The following PHF20 variants were observed in gnomAD, a reference collection of about 807,000 sequenced individuals.
PHF20 encodes PHD finger protein 20.
A neutral mutation model predicts 113.5 loss-of-function variants in PHF20; 23 were observed. The ratio of observed to expected loss-of-function variants is 0.20; its 90% CI spans 0.15 to 0.29. PHF20 has a LOEUF of 0.29. Among genes scored for constraint, PHF20 ranks in the 10% least tolerant of loss-of-function variants. The probability of loss-of-function intolerance (pLI) is 1.00; values close to 1 mark genes in which losing one functional copy is unlikely to be tolerated. For synonymous variants in PHF20, 434 were observed against 457.3 expected (o/e 0.95, Z 0.65); for missense variants, 943 against 1,219.6 (o/e 0.77, Z 3.38).
Position 35,913,323 on chromosome 20 carries a change from A to G in PHF20, c.1636A>G (p.Lys546Glu). Reference sequence around the variant, plus strand: ...GAGAGTGAAGCCAAAGAAGAAAAAGAAAAAGAAAAAGAAAACCAAACCTGG... The same window carrying G: ...GAGAGTGAAGCCAAAGAAGAAAAAGGAAAAGAAAAAGAAAACCAAACCTGG... ...FVRVKPKKKK[K>E]KKKKTKPECP... Residue 546 changes from lysine (K) to glutamate (E), a missense_variant, in exon 11 of 18, where the codon AAA becomes GAA. Around this residue, in one of 3 missense-constraint regions of PHF20, gnomAD observed 592 missense variants for 787.2 expected, o/e 0.75. Transcript: ENST00000374012. 2 of 1,600,838 alleles carry G rather than the reference A, an allele frequency of 1.2e-6. No individual in the cohort carries two copies. Among genetic ancestry groups the G allele is most frequent in the African/African-American group, 1.4e-5 (1 of 73,994 alleles).
chr20:35,809,231 G>A (rs1171395521), intron 2 of PHF20, among the ~76,000 whole-genome samples: 1 of 151,362 alleles, frequency 6.6e-6, no homozygotes, highest in Non-Finnish European at 1.5e-5. Flanking sequence ...CTGGGCGACA[G>A]AGCAAAGCTC....
intron 9 of PHF20, among the ~76,000 whole-genome samples, chr20:35,893,043 G>A (rs1190466450): frequency 6.6e-6 from 1 of 152,210 alleles, no homozygotes; most frequent in Non-Finnish European, 1.5e-5. Flanking sequence ...CCCTCCTGAG[G>A]AGCATCCGTG....
chr20:35,830,393 T>C (rs188758801), intron 2 of PHF20, among the ~76,000 whole-genome samples: 15 of 152,376 alleles, frequency 9.8e-5, no homozygotes, highest in African/African-American at 3.6e-4. Context: ...TCACTTAGCA[T>C]AAGTCCTCAA....
At chr20:35,799,605 C>T (rs1040163495) in intron 1 of PHF20, among the ~76,000 whole-genome samples, 10 of 152,008 alleles carry the variant, frequency 6.6e-5, no homozygotes, top group Non-Finnish European at 7.3e-5. Flanking sequence ...CTAGCTCCTC[C>T]GATAGCATTT....
At chr20:35,793,795 C>T (rs1356760915) in intron 1 of PHF20, among the ~76,000 whole-genome samples, 13 of 148,986 alleles carry the variant, frequency 8.7e-5, no homozygotes, top group African/African-American at 2.2e-4. Flanking sequence ...GTCAGGAGTT[C>T]GAGACCAGCC....
chr20:35,886,195 C>G (rs1200051192), intron 9 of PHF20, among the ~76,000 whole-genome samples: 2 of 148,444 alleles, frequency 1.3e-5, no homozygotes, highest in Non-Finnish European at 3.0e-5. Flanking sequence ...CTGGAGTGCA[C>G]TGATGAGATC....
At chr20:35,816,757 A>G (rs2042081655) in intron 2 of PHF20, among the ~76,000 whole-genome samples, 1 of 145,642 alleles carries the variant, frequency 6.9e-6, no homozygotes, top group East Asian at 2.1e-4. Flanking sequence ...CGGCCGATTT[A>G]TGTCATAAAC....
chr20:35,859,909 G>T (rs1389339429), intron 5 of PHF20, among the ~76,000 whole-genome samples: 1 of 152,018 alleles, frequency 6.6e-6, no homozygotes, highest in Non-Finnish European at 1.5e-5. Flanking sequence ...GAATTCTTCT[G>T]TATGTATATT....
At chr20:35,839,418 G>A (rs1342410904) in intron 2 of PHF20, among the ~76,000 whole-genome samples, 1 of 151,536 alleles carries the variant, frequency 6.6e-6, no homozygotes, top group Non-Finnish European at 1.5e-5. Context: ...AAAAGAAAGT[G>A]GTTTGAATAG....
rs2041381000 is a variant in PHF20, at chr20:35,785,054, A to T, written c.-33+12975A>T. Among the ~76,000 whole-genome samples, 3 of 151,908 alleles carry T rather than the reference A, an allele frequency of 2.0e-5. No homozygotes were observed. The South Asian group carries it at 6.2e-4, about 32-fold the overall frequency. ...CCACAGAAACAGACCCTGTCTTAAA[A>T]AAAAAAAAAGAGGGTAGTGGGTTTT... On this transcript the variant is annotated intron_variant, in intron 1 of 17. Coordinates refer to ENST00000374012, the MANE Select transcript of PHF20 (RefSeq NM_016436.5).
rs145503054 is a variant in PHF20 at position 35,815,893 on chromosome 20, G to A, written c.83+14288G>A. Among the ~76,000 whole-genome samples the A allele has an allele frequency of 3.0e-4, 45 of 152,240 alleles. 1 individual carries two copies. The highest frequency in any genetic ancestry group is 1.1e-3 in the African/African-American group (45 of 41,570). On this transcript the variant is annotated intron_variant, in intron 2 of 17. Coordinates refer to ENST00000374012, the MANE Select transcript of PHF20 (RefSeq NM_016436.5). ...AAAAAACAAACAAACAAGCAAAATCGTTTTGGAAATACATATATATTCCCC... is the reference window on the plus strand; with the variant it reads ...AAAAAACAAACAAACAAGCAAAATCATTTTGGAAATACATATATATTCCCC...
intron 10 of PHF20, 142 bp downstream of exon 10, chr20:35,899,790 T>C: frequency 1.1e-6 from 1 of 878,398 alleles, no homozygotes. Flanking sequence ...AGTGATCCTC[T>C]GGGCTGTGCC....
At chr20:35,841,244 C>T (rs2042530119) in intron 2 of PHF20, among the ~76,000 whole-genome samples, 3 of 151,988 alleles carry the variant, frequency 2.0e-5, no homozygotes, top group Admixed American at 2.0e-4. Flanking sequence ...ACTTGGGAGG[C>T]TGAGGCTGGA....
intron 5 of PHF20, among the ~76,000 whole-genome samples, chr20:35,858,692 T>C (rs544603622): frequency 2.0e-5 from 3 of 152,326 alleles, no homozygotes; most frequent in East Asian, 3.9e-4. Context: ...TGTCTCAGCC[T>C]CCTGAGTTGC....
chr20:35,945,482 A>C (rs2056068671), intron 17 of PHF20, among the ~76,000 whole-genome samples: 1 of 152,178 alleles, frequency 6.6e-6, no homozygotes, highest in South Asian at 2.1e-4. Flanking sequence ...CAAGAAACAG[A>C]GGATTTAGAA....
chr20:35,773,349 T>A (rs1048820870), intron 1 of PHF20, among the ~76,000 whole-genome samples: 1 of 152,192 alleles, frequency 6.6e-6, no homozygotes, highest in Non-Finnish European at 1.5e-5. Flanking sequence ...TTTCCTTCCC[T>A]TTTTGGAGCC....
At chr20:35,852,268 T>A (rs979320441) in intron 4 of PHF20, among the ~76,000 whole-genome samples, 1 of 152,060 alleles carries the variant, frequency 6.6e-6, no homozygotes, top group Admixed American at 6.6e-5. Flanking sequence ...GTCAATTAGG[T>A]CCAGGTGTTC....
chr20:35,826,775 T>A (rs1482827804), intron 2 of PHF20, among the ~76,000 whole-genome samples: 3 of 152,172 alleles, frequency 2.0e-5, no homozygotes, highest in African/African-American at 4.8e-5. Flanking sequence ...GTATCAGGCA[T>A]TCTGCTGGGT....
intron 4 of PHF20, chr20:35,855,226 T>A (rs778430407): frequency 7.6e-7 from 1 of 1,317,344 alleles, no homozygotes. Flanking sequence ...TTGTTTATCA[T>A]AACTGCTTTG....
Sources: allele counts gnomAD v4.1 joint callset (sites outside exome capture counted in the v4.1 genomes callset), GRCh38; gene constraint gnomAD v4.1.1; regional missense constraint gnomAD v4.1.1; transcripts MANE v1.5; gene names NCBI Gene and HGNC (gene_info 2026-07-23, HGNC 2026-07-21).